The following FIG4 variants were observed in gnomAD, a reference collection of about 807,000 sequenced individuals.
FIG4 encodes the protein FIG4 phosphoinositide 5-phosphatase.
Under a neutral mutation model 118.6 loss-of-function variants are expected in FIG4, and 112 were observed. The ratio of observed to expected loss-of-function variants is 0.94; its 90% CI spans 0.81 to 1.11. FIG4 has a LOEUF of 1.11. Among genes scored for constraint, FIG4 ranks in the 50% least tolerant of loss-of-function variants. FIG4 has a pLI of 0.00. For synonymous variants in FIG4, 369 were observed against 381.2 expected (o/e 0.97, Z 0.37); for missense variants, 969 against 1,111.7 (o/e 0.87, Z 1.83).
In FIG4 at chr6:109,778,842, G is replaced by C. The variant is rs1388767819; in HGVS notation, c.1889+1782G>C. ...TCTTGATCTCCTGCCCTTGTGATCT[G>C]CCCGCCTTGGCCTCCCAAAGTGCTG... On this transcript the variant is annotated intron_variant, in intron 16 of 22. Transcript: ENST00000230124. 5.5e-3 allele frequency among the ~76,000 whole-genome samples: 843 copies of C among 152,120 alleles called. 6 individuals carry two copies. The highest frequency in any genetic ancestry group is 0.019 in the African/African-American group (801 of 41,414).
intron 16 of FIG4, among the ~76,000 whole-genome samples, chr6:109,777,657 G>T (rs927555136): frequency 6.6e-6 from 1 of 152,236 alleles, no homozygotes; most frequent in African/African-American, 2.4e-5. Context: ...CTAGAGCAGT[G>T]CTACTAGCTA....
intron 21 of FIG4, 100 bp downstream of exon 21, chr6:109,792,764 G>A (rs530124351): frequency 5.5e-5 from 37 of 677,690 alleles, no homozygotes; most frequent in African/African-American, 5.4e-4. Context: ...TTGGAGACAA[G>A]AGTCTTGCTC....
chr6:109,764,235 G>A lies in FIG4; in HGVS notation c.1434+253G>A, dbSNP rs188783375. 2.0e-4 allele frequency among the ~76,000 whole-genome samples: 30 copies of A among 152,106 alleles called. No homozygotes were observed. In the East Asian group the frequency reaches 3.5e-3, roughly 18 times the overall value. On this transcript the variant is annotated intron_variant, in intron 13 of 22. Coordinates refer to ENST00000230124, the MANE Select transcript of FIG4 (RefSeq NM_014845.6). ...GGGCAGATCATGAGATCAGGAGATC[G>A]AGACCATCCTGGCTAACATGGTGAA... is the stretch of plus-strand genomic sequence containing the variant.
At chr6:109,763,716 C>T (rs907786559) in intron 12 of FIG4, among the ~76,000 whole-genome samples, 2 of 152,110 alleles carry the variant, frequency 1.3e-5, no homozygotes, top group Non-Finnish European at 2.9e-5. Context: ...TTAAAATGCC[C>T]CTTTCCTGGA....
At chr6:109,769,227 G>A (rs77826070) in intron 15 of FIG4, among the ~76,000 whole-genome samples, 5 of 151,394 alleles carry the variant, frequency 3.3e-5, no homozygotes, top group Admixed American at 2.6e-4. Context: ...CTCAGCCTCC[G>A]GAGTGTAATG....
intron 13 of FIG4, among the ~76,000 whole-genome samples, chr6:109,764,737 G>A (rs1009059442): frequency 2.0e-5 from 3 of 152,072 alleles, no homozygotes; most frequent in African/African-American, 7.2e-5. Flanking sequence ...GTTTTATTTT[G>A]TTAAACTAAC....
At chr6:109,738,222 T>G in intron 6 of FIG4, 103 bp from the exon 7 acceptor site, 2 of 974,828 alleles carry the variant, frequency 2.1e-6, no homozygotes, top group Non-Finnish European at 3.2e-6. Context: ...AAAAATGAGT[T>G]GAATGTCAGC....
chr6:109,792,814 C>T lies in FIG4; in HGVS notation c.2459+150C>T, dbSNP rs371554102. 343 of 561,360 alleles carry T rather than the reference C, an allele frequency of 6.1e-4. 2 individuals carry two copies. Among genetic ancestry groups the T allele is most frequent in the African/African-American group, 6.1e-3 (306 of 50,302 alleles). 34.8% of individuals were successfully genotyped at this position (561,360 alleles called of 1,614,324 possible). A position where few individuals can be genotyped will look rare whatever the true frequency, so the allele number is the denominator to read the frequency against. ...TAGTGCAGTGGTATGATCTCGGCTCCTGAGTAGCTGGGATTGCAGGTGCAC... is the reference window on the plus strand; with the variant it reads ...TAGTGCAGTGGTATGATCTCGGCTCTTGAGTAGCTGGGATTGCAGGTGCAC... On this transcript the variant is annotated intron_variant, in intron 21 of 22. Coordinates refer to ENST00000230124, the MANE Select transcript of FIG4 (RefSeq NM_014845.6).
In FIG4 at chr6:109,774,633, C is replaced by T. The variant is rs988747888; in HGVS notation, c.1751-2289C>T. Among the ~76,000 whole-genome samples, 19 of 152,186 alleles carry T rather than the reference C, an allele frequency of 1.2e-4. No individual in the cohort carries two copies. In the East Asian group the frequency reaches 3.7e-3, roughly 29 times the overall value. ...AGTGCCTATTTTGAAATGTATTTGC[C>T]AACTTAACAGACAGAAAATGGTATG... is the stretch of plus-strand genomic sequence containing the variant. On this transcript the variant is annotated intron_variant, in intron 15 of 22. Coordinates refer to ENST00000230124, the MANE Select transcript of FIG4 (RefSeq NM_014845.6).
chr6:109,795,225 C>T (rs568606951), intron 21 of FIG4, among the ~76,000 whole-genome samples: 45 of 149,548 alleles, frequency 3.0e-4, no homozygotes, highest in African/African-American at 1.0e-3. Context: ...CCGGGGTTCA[C>T]GCCATTCTCC....
Position 109,789,485 on chromosome 6 carries a change from A to G in FIG4, c.2097-109A>G, listed in dbSNP as rs986368875. ...AGTTGGCTCAGAATATGTAATATGT[A>G]ACTCCTAGAGTTAAGAAGGAATATT... On this transcript the variant is annotated intron_variant, in intron 18 of 22. Coordinates refer to ENST00000230124, the MANE Select transcript of FIG4 (RefSeq NM_014845.6). 21 of 820,304 alleles carry G rather than the reference A, an allele frequency of 2.6e-5. No individual in the cohort carries two copies. In the South Asian group the frequency reaches 2.8e-4, roughly 11 times the overall value. 50.8% of individuals were successfully genotyped at this position (820,304 alleles called of 1,614,324 possible). A position where few individuals can be genotyped will look rare whatever the true frequency, so the allele number is the denominator to read the frequency against.
chr6:109,735,487 T>C (rs551404502), intron 6 of FIG4, among the ~76,000 whole-genome samples, 189 bp downstream of exon 6: 2 of 152,300 alleles, frequency 1.3e-5, no homozygotes, highest in African/African-American at 4.8e-5. Context: ...TGTGATTTCA[T>C]TTGTAGGCCA....
intron 15 of FIG4, among the ~76,000 whole-genome samples, chr6:109,772,232 G>T (rs1777488224): frequency 6.6e-6 from 1 of 152,084 alleles, no homozygotes; most frequent in South Asian, 2.1e-4. Flanking sequence ...GGGATATTGA[G>T]ATCTCTGTCA....
At chr6:109,732,101 G>T (rs1776019330) in intron 4 of FIG4, among the ~76,000 whole-genome samples, 1 of 152,152 alleles carries the variant, frequency 6.6e-6, no homozygotes, top group Non-Finnish European at 1.5e-5. Context: ...GAAGTCTAAA[G>T]GGAATGTTAA....
chr6:109,698,394 T>C (rs1258184001), intron 1 of FIG4, among the ~76,000 whole-genome samples: 1 of 152,194 alleles, frequency 6.6e-6, no homozygotes, highest in African/African-American at 2.4e-5. Flanking sequence ...GGGATTGTGA[T>C]TTGAATTTCA....
At chr6:109,713,711 G>A (rs1313171616) in intron 1 of FIG4, among the ~76,000 whole-genome samples, 1 of 152,168 alleles carries the variant, frequency 6.6e-6, no homozygotes, top group African/African-American at 2.4e-5. Context: ...GGAAGTGGCA[G>A]TGAGCCTGCG....
chr6:109,778,845 C>T (rs1460499158), intron 16 of FIG4, among the ~76,000 whole-genome samples: 7 of 152,252 alleles, frequency 4.6e-5, no homozygotes, highest in East Asian at 1.9e-4. Flanking sequence ...GTGATCTGCC[C>T]GCCTTGGCCT....
chr6:109,706,415 G>A (rs1775067430), intron 1 of FIG4, among the ~76,000 whole-genome samples: 1 of 152,126 alleles, frequency 6.6e-6, no homozygotes, highest in African/African-American at 2.4e-5. Context: ...GTGTTCTCAT[G>A]GCATCTAGTT....
intron 16 of FIG4, among the ~76,000 whole-genome samples, chr6:109,777,834 A>G (rs1050284967): frequency 6.6e-6 from 1 of 152,230 alleles, no homozygotes; most frequent in Non-Finnish European, 1.5e-5. Flanking sequence ...CCTCAGGATC[A>G]GGTAGAGTTG....
Sources: allele counts gnomAD v4.1 joint callset (sites outside exome capture counted in the v4.1 genomes callset), GRCh38; gene constraint gnomAD v4.1.1; transcripts MANE v1.5; gene names NCBI Gene and HGNC (gene_info 2026-07-23, HGNC 2026-07-21).